MED13: variants seen among roughly 807,000 people sequenced by gnomAD.
The protein encoded by MED13 is mediator complex subunit 13, also known as mediator of RNA polymerase II transcription subunit 13.
A neutral mutation model predicts 225.2 loss-of-function variants in MED13; 23 were observed. The observed-to-expected ratio is 0.10, with a 90% CI of 0.07 to 0.14. The LOEUF (loss-of-function observed/expected upper bound fraction) is 0.14. Among genes scored for constraint, MED13 ranks in the 10% least tolerant of loss-of-function variants. The pLI is 1.00. For synonymous variants in MED13, 942 were observed against 889.2 expected (o/e 1.06, Z -1.06); for missense variants, 2,197 against 2,594.5 (o/e 0.85, Z 3.33).
At position 61,956,383 on chromosome 17, in the gene MED13, A is replaced by G. The variant is rs1322149324; in HGVS notation, c.5579T>C (p.Val1860Ala). ...AATCCTTCCTAGACGACCAATTACA[A>G]CTCTCCATGGCAATGAACTCATTTG... ...LVQMSSLPWR[V>A]VIGRLGRIGH... The change falls in exon 24 of 30, where the codon GTT becomes GCT. Residue 1860 changes from valine to alanine, a missense_variant. Val to Ala is a moderately conservative substitution (Grantham distance 64). Around this residue, in one of 12 missense-constraint regions of MED13, gnomAD observed 216 missense variants for 388.9 expected, o/e 0.56. Coordinates refer to ENST00000397786, the MANE Select transcript of MED13 (RefSeq NM_005121.3). 1.3e-5 allele frequency: 21 copies of G among 1,613,302 alleles called. No individual in the cohort carries two copies. The highest frequency in any genetic ancestry group is 1.8e-5 in the Non-Finnish European group (21 of 1,179,756).
At chr17:62,034,062 A>C (rs2080781154) in intron 4 of MED13, 78 bp from the exon 5 acceptor site, 2 of 1,253,386 alleles carry the variant, frequency 1.6e-6, no homozygotes, top group Non-Finnish European at 2.3e-6. Context: ...AAATGTGGCA[A>C]ATAATCGTGC....
At chr17:62,065,093 C>A (rs751002565) in intron 1 of MED13, 47 bp downstream of exon 1, 2 of 1,494,102 alleles carry the variant, frequency 1.3e-6, no homozygotes, top group Non-Finnish European at 9.0e-7. Context: ...CCCAAGGGCG[C>A]ACCTCGCGGC....
At chr17:62,063,700 C>T (rs1259678913) in intron 1 of MED13, among the ~76,000 whole-genome samples, 1 of 152,128 alleles carries the variant, frequency 6.6e-6, no homozygotes, top group East Asian at 1.9e-4. Flanking sequence ...GGTTTTTATT[C>T]CACATTTACA....
intron 17 of MED13, among the ~76,000 whole-genome samples, chr17:61,969,808 G>T (rs1295738945): frequency 2.6e-5 from 4 of 151,986 alleles, no homozygotes; most frequent in Admixed American, 1.3e-4. Flanking sequence ...CACCATGTTG[G>T]CCAGGCTGGT....
In MED13 at chr17:62,010,691, T is replaced by A. The variant is rs760043988; in HGVS notation, c.1826A>T (p.Asp609Val). ...YVGTAVNLEE[D>V]EANIAWKYYK... ...ATACTTCCAGGCTATATTGGCTTCA[T>A]CTTCTTCCAAGTTTACTGCTGTACC... is the stretch of plus-strand genomic sequence containing the variant. The change falls in exon 9 of 30, where the codon GAT (aspartate) becomes GTT (valine). Residue 609 changes from aspartate to valine, a missense_variant. Transcript: ENST00000397786. The A allele has an allele frequency of 6.4e-7, 1 of 1,558,670 alleles. No individual in the cohort carries two copies. Among genetic ancestry groups the A allele is most frequent in the East Asian group, 2.3e-5 (1 of 44,102 alleles).
intron 27 of MED13, 132 bp from the exon 28 acceptor site, chr17:61,951,130 T>TC: frequency 3.1e-6 from 2 of 645,592 alleles, no homozygotes; most frequent in Non-Finnish European, 4.7e-6. Flanking sequence ...TGAAGGATAT[T>TC]GAAAAAAAAC....
At chr17:61,993,984 T>C (rs967272995) in intron 10 of MED13, among the ~76,000 whole-genome samples, 28 of 151,776 alleles carry the variant, frequency 1.8e-4, no homozygotes, top group African/African-American at 6.3e-4. Context: ...TGGATCCTTT[T>C]CATAACTTTA....
intron 2 of MED13, among the ~76,000 whole-genome samples, chr17:62,053,068 C>T (rs1181334701): frequency 6.6e-6 from 1 of 152,170 alleles, no homozygotes; most frequent in African/African-American, 2.4e-5. Flanking sequence ...TCTAAGCTGG[C>T]TCACTTGTTA....
chr17:61,965,335 G>C lies in MED13; in HGVS notation c.4515C>G (p.Thr1505=), dbSNP rs765820652. The C allele has an allele frequency of 6.2e-7, 1 of 1,614,216 alleles. No homozygotes were observed. The highest frequency in any genetic ancestry group is 8.5e-7 in the Non-Finnish European group (1 of 1,180,024). ...TAGTGCTGCTCGCTGCAGATGCTAA[G>C]GTGGCAGATGGAGTATTAGCATTTC... ...NTGNANTPSA[T]LASAASSTMT... Residue 1505 remains threonine, a synonymous_variant, in exon 20 of 30, where the codon ACC becomes ACG. Transcript: ENST00000397786.
chr17:61,988,266 T>C (rs777997964), intron 11 of MED13, among the ~76,000 whole-genome samples: 1 of 152,196 alleles, frequency 6.6e-6, no homozygotes, highest in Non-Finnish European at 1.5e-5. Context: ...AGATAAATAT[T>C]ACCGCTTAGT....
At chr17:62,065,098 C>T (rs1412089141) in intron 1 of MED13, 42 bp downstream of exon 1, 1 of 1,503,878 alleles carries the variant, frequency 6.6e-7, no homozygotes, top group Non-Finnish European at 8.9e-7. Context: ...GGGCGCACCT[C>T]GCGGCCCCCC....
intron 3 of MED13, among the ~76,000 whole-genome samples, chr17:62,044,606 T>C (rs114191694): frequency 6.6e-6 from 1 of 152,372 alleles, no homozygotes; most frequent in African/African-American, 2.4e-5. Context: ...TACATGTCTA[T>C]ATGTATACAC....
intron 17 of MED13, among the ~76,000 whole-genome samples, chr17:61,969,364 AAC>A (rs1491045319): frequency 1.3e-5 from 2 of 149,460 alleles, no homozygotes; most frequent in Non-Finnish European, 3.0e-5. Flanking sequence ...AAAACAAACA[AAC>A]AAAAAATTGG....
At chr17:61,947,129 CTA>C (rs2079857335) in intron 28 of MED13, 112 bp from the exon 29 acceptor site, 1 of 668,154 alleles carries the variant, frequency 1.5e-6, no homozygotes, top group Admixed American at 2.7e-5. Flanking sequence ...CATTTTAGTC[CTA>C]TGTTATGAAT....
At chr17:61,947,798 A>G (rs2079863226) in intron 28 of MED13, among the ~76,000 whole-genome samples, 1 of 152,194 alleles carries the variant, frequency 6.6e-6, no homozygotes. Flanking sequence ...TCCACACTCC[A>G]ATTAAATGAG....
At chr17:61,992,907 C>T (rs1001387487) in intron 10 of MED13, among the ~76,000 whole-genome samples, 2 of 151,992 alleles carry the variant, frequency 1.3e-5, no homozygotes, top group Non-Finnish European at 2.9e-5. Flanking sequence ...GCTAGGACTA[C>T]AGACACATGC....
chr17:62,047,163 G>C (rs1414003352), intron 3 of MED13, among the ~76,000 whole-genome samples: 1 of 152,048 alleles, frequency 6.6e-6, no homozygotes, highest in Non-Finnish European at 1.5e-5. Context: ...CTGAGGTCAG[G>C]AGTTCGAGAC....
chr17:62,017,219 T>TA (rs555881211), intron 8 of MED13, among the ~76,000 whole-genome samples: 14,476 of 84,066 alleles, frequency 0.17, 1,120 homozygotes, highest in East Asian at 0.48. Context: ...ACTAAAATGC[T>TA]AAAAAAAAAA....
In MED13 at chr17:62,015,790, CACACACTATATATATCTATATATATACAT is replaced by C. The variant is rs1046801301; in HGVS notation, c.1284-4586_1284-4558del. 2.6e-4 allele frequency among the ~76,000 whole-genome samples: 35 copies of C among 135,956 alleles called. 1 individual carries two copies. The highest frequency in any genetic ancestry group is 8.6e-4 in the African/African-American group (32 of 37,354). The allele number at this position is 135,956 out of a possible 152,430, so 89.2% of individuals were successfully genotyped here. A position where few individuals can be genotyped will look rare whatever the true frequency, so the allele number is the denominator to read the frequency against. On this transcript the variant is annotated intron_variant, in intron 8 of 29. Coordinates refer to ENST00000397786, the MANE Select transcript of MED13 (RefSeq NM_005121.3). ...TATACACACACTATATATATATACA[CACACACTATATATATCTATATATATACAT>C]ACACACTATATATATACACACACAC...
Sources: gnomAD v4.1 joint callset for allele counts (sites outside exome capture counted in the v4.1 genomes callset) on GRCh38, gnomAD v4.1.1 for gene constraint, gnomAD v4.1.1 regional missense constraint, MANE v1.5 for transcripts, NCBI Gene and HGNC (gene_info 2026-07-23, HGNC 2026-07-21) for gene names.